The following XRRA1 variants were observed in gnomAD, a reference collection of about 807,000 sequenced individuals.
XRRA1 encodes the protein X-ray radiation resistance associated 1.
Under a neutral mutation model 80.2 loss-of-function variants are expected in XRRA1, and 69 were observed. The ratio of observed to expected loss-of-function variants is 0.86; its 90% confidence interval spans 0.71 to 1.05. The LOEUF is 1.05. XRRA1 is among the 50% of genes least tolerant of loss of function. The probability of loss-of-function intolerance (pLI) is 0.00; values close to 1 mark genes in which losing one functional copy is unlikely to be tolerated. For missense variants in XRRA1, 967 were observed against 976.4 expected (o/e 0.99, Z 0.13); for synonymous variants, 348 against 389.9 (o/e 0.89, Z 1.27).
At chr11:74,942,746 T>C (rs1946574053) in intron 2 of XRRA1, among the ~76,000 whole-genome samples, 1 of 152,238 alleles carries the variant, frequency 6.6e-6, no homozygotes, top group Admixed American at 6.5e-5. Context: ...GTGCACCTAC[T>C]TCATAGGGCT....
intron 16 of XRRA1, 119 bp downstream of exon 16, chr11:74,844,950 TAGAC>T (rs2037645264): frequency 2.1e-6 from 2 of 946,842 alleles, no homozygotes; most frequent in Admixed American, 4.4e-5. Context: ...GACAGGTATT[TAGAC>T]AGAGGACAGC....
chr11:74,879,471 A>G (rs1046294167), intron 10 of XRRA1, among the ~76,000 whole-genome samples: 4 of 151,938 alleles, frequency 2.6e-5, no homozygotes, highest in African/African-American at 7.2e-5. Flanking sequence ...TCTCCTGCCT[A>G]ATTGCCCTGG....
chr11:74,909,198 C>A (rs531077641), intron 8 of XRRA1, among the ~76,000 whole-genome samples: 4 of 152,282 alleles, frequency 2.6e-5, no homozygotes, highest in East Asian at 1.9e-4. Flanking sequence ...CTGTAGAGAA[C>A]AGGCTTGAAG....
intron 10 of XRRA1, among the ~76,000 whole-genome samples, chr11:74,885,142 T>C (rs2048710403): frequency 6.6e-6 from 1 of 152,076 alleles, no homozygotes; most frequent in African/African-American, 2.4e-5. Context: ...AGTGCACCTA[T>C]AGTTCCAGCT....
chr11:74,908,614 T>G (rs1016957208), intron 8 of XRRA1, among the ~76,000 whole-genome samples: 7 of 152,286 alleles, frequency 4.6e-5, no homozygotes, highest in Middle Eastern at 3.4e-3. Context: ...TAACATATAT[T>G]TATGTGGCCA....
intron 10 of XRRA1, among the ~76,000 whole-genome samples, chr11:74,905,867 A>G (rs2054475676): frequency 6.6e-6 from 1 of 152,170 alleles, no homozygotes; most frequent in Non-Finnish European, 1.5e-5. Flanking sequence ...CCAAGCTTCT[A>G]AAGTTGCATA....
At chr11:74,943,957 G>A (rs1187905270) in intron 2 of XRRA1, among the ~76,000 whole-genome samples, 1 of 151,938 alleles carries the variant, frequency 6.6e-6, no homozygotes, top group Non-Finnish European at 1.5e-5. Flanking sequence ...GAGTAGCTGG[G>A]ACTATAGGCA....
chr11:74,932,267 C>T (rs1943792964), intron 5 of XRRA1, among the ~76,000 whole-genome samples: 1 of 152,176 alleles, frequency 6.6e-6, no homozygotes, highest in Non-Finnish European at 1.5e-5. Context: ...AACCACAAAG[C>T]TAGCAAGCAT....
At chr11:74,901,880 A>C (rs2053626957) in intron 10 of XRRA1, among the ~76,000 whole-genome samples, 1 of 152,230 alleles carries the variant, frequency 6.6e-6, no homozygotes, top group Non-Finnish European at 1.5e-5. Flanking sequence ...GAGTAGTAAT[A>C]TCTCACAAGC....
intron 12 of XRRA1, among the ~76,000 whole-genome samples, chr11:74,857,771 T>C (rs1027835201): frequency 4.6e-5 from 7 of 152,198 alleles, no homozygotes; most frequent in African/African-American, 1.7e-4. Context: ...GATTATGTTA[T>C]CTGCACACAA....
At chr11:74,870,534 A>T (rs551320152) in intron 10 of XRRA1, among the ~76,000 whole-genome samples, 12 of 152,336 alleles carry the variant, frequency 7.9e-5, no homozygotes, top group African/African-American at 2.9e-4. Context: ...AGCAAATGCC[A>T]TAGTAACCAG....
intron 1 of XRRA1, among the ~76,000 whole-genome samples, chr11:74,945,495 C>A (rs1464048963): frequency 6.6e-6 from 1 of 152,216 alleles, no homozygotes; most frequent in South Asian, 2.1e-4. Flanking sequence ...ATGACTCACA[C>A]TGAAGCCTGT....
chr11:74,855,008 C>T (rs1191094241), intron 12 of XRRA1, among the ~76,000 whole-genome samples: 1 of 152,012 alleles, frequency 6.6e-6, no homozygotes, highest in Non-Finnish European at 1.5e-5. Context: ...CAAGATCATG[C>T]CACTGCACTC....
At position 74,841,325 on chromosome 11, in the gene XRRA1, G is replaced by A. The variant is rs938500961; in HGVS notation, c.*1875C>T. Reference sequence around the variant, plus strand: ...GGGTGGTCAGGAGACAGATTCTAGGGAAAGTGCTGAAGAGATTTTCTTCTG... The same window carrying A: ...GGGTGGTCAGGAGACAGATTCTAGGAAAAGTGCTGAAGAGATTTTCTTCTG... On this transcript the variant is annotated 3_prime_UTR_variant, in exon 19 of 19. Transcript: ENST00000684022. 1 of 152,102 alleles carries A rather than the reference G, an allele frequency of 6.6e-6. No individual in the cohort carries two copies. The highest frequency in any genetic ancestry group is 2.4e-5 in the African/African-American group (1 of 41,426). 9.4% of individuals were successfully genotyped at this position (152,102 alleles called of 1,614,324 possible).
intron 8 of XRRA1, 128 bp downstream of exon 8, chr11:74,921,084 TCA>T: frequency 8.0e-7 from 1 of 1,244,760 alleles, no homozygotes; most frequent in Non-Finnish European, 1.1e-6. Flanking sequence ...TCTGGGAGCT[TCA>T]GTAGGTGCCA....
intron 14 of XRRA1, among the ~76,000 whole-genome samples, chr11:74,850,191 G>A (rs865862471): frequency 6.6e-6 from 1 of 152,218 alleles, no homozygotes; most frequent in Non-Finnish European, 1.5e-5. Flanking sequence ...ACCTCTCTGA[G>A]TCTGTTGCTT....
intron 10 of XRRA1, among the ~76,000 whole-genome samples, chr11:74,889,718 G>T (rs2050123392): frequency 6.6e-6 from 1 of 152,118 alleles, no homozygotes; most frequent in Non-Finnish European, 1.5e-5. Flanking sequence ...GATCTACCAA[G>T]CAAGTGGAAA....
At position 74,930,284 on chromosome 11, in the gene XRRA1, G is replaced by A. The variant is rs1943212289; in HGVS notation, c.424+16C>T. The A allele has an allele frequency of 6.4e-7, 1 of 1,552,722 alleles. No individual in the cohort carries two copies. The highest frequency in any genetic ancestry group is 8.7e-7 in the Non-Finnish European group (1 of 1,145,568). On this transcript the variant is annotated intron_variant, in intron 6 of 18. Coordinates refer to ENST00000684022, the MANE Select transcript of XRRA1 (RefSeq NM_001378157.1). ...CTAAGAGGAGGAAGAGAGCTTTCAA[G>A]AAAGAAAAAGCTTACCTAGAGGCAG... is the stretch of plus-strand genomic sequence containing the variant.
chr11:74,924,248 G>A (rs2139105213), intron 7 of XRRA1, among the ~76,000 whole-genome samples: 1 of 151,382 alleles, frequency 6.6e-6, no homozygotes, highest in Non-Finnish European at 1.5e-5. Flanking sequence ...GGCCGAGACG[G>A]GCAGATCACG....
Sources: allele counts gnomAD v4.1 joint callset (sites outside exome capture counted in the v4.1 genomes callset), GRCh38; gene constraint gnomAD v4.1.1; transcripts MANE v1.5; gene names NCBI Gene and HGNC (gene_info 2026-07-23, HGNC 2026-07-21).